The following PIGS variants were observed in gnomAD, a reference collection of about 807,000 sequenced individuals.
The protein encoded by PIGS is phosphatidylinositol glycan anchor biosynthesis class S, also known as GPI-anchor transamidase component PIGS.
PIGS carries 37 observed loss-of-function variants against 58.2 expected under a neutral mutation model. The ratio of observed to expected loss-of-function variants is 0.64; its 90% CI spans 0.49 to 0.84. The LOEUF (loss-of-function observed/expected upper bound fraction) is 0.84, where lower values mean the gene tolerates loss of function less well. PIGS is among the 40% of genes least tolerant of loss of function. PIGS has a pLI of 0.00. For synonymous variants in PIGS, 269 were observed against 289.2 expected (o/e 0.93, Z 0.71); for missense variants, 629 against 710.8 (o/e 0.88, Z 1.31).
At chr17:28,561,863 A>G in intron 5 of PIGS, 1 of 468,532 alleles carries the variant, frequency 2.1e-6, no homozygotes, top group Non-Finnish European at 3.8e-6. Context: ...GGCAGCATCT[A>G]ACTCTTCAGG....
rs368258975 is a variant in PIGS, at chr17:28,564,703, G to A, written c.287-796C>T. The stretch of plus-strand genomic sequence containing the variant: ...GCACTCCAGCCTGGGCAACAAGAGC[G>A]AAACTCCATCTCAAAAAAAAAAAAA... On this transcript the variant is annotated intron_variant, in intron 3 of 11. Transcript: ENST00000308360. Among the ~76,000 whole-genome samples the A allele has an allele frequency of 6.5e-4, 94 of 143,512 alleles. No homozygotes were observed. In the East Asian group the frequency reaches 0.015, roughly 24 times the overall value. 94.1% of individuals were successfully genotyped at this position (143,512 alleles called of 152,430 possible). A position where few individuals can be genotyped will look rare whatever the true frequency, so the allele number is the denominator to read the frequency against.
At chr17:28,559,920 A>G in intron 7 of PIGS, 129 bp downstream of exon 7, 1 of 1,211,752 alleles carries the variant, frequency 8.3e-7, no homozygotes, top group South Asian at 1.8e-5. Context: ...CACCCTTATG[A>G]CACTCACATA....
At chr17:28,561,252 G>A (rs961765689) in intron 6 of PIGS, among the ~76,000 whole-genome samples, 170 bp downstream of exon 6, 5 of 151,788 alleles carry the variant, frequency 3.3e-5, no homozygotes, top group South Asian at 2.1e-4. Flanking sequence ...GTGAGACTCC[G>A]TCTCAAAATA....
chr17:28,559,913 C>G lies in PIGS; in HGVS notation c.819+136G>C. On this transcript the variant is annotated intron_variant, in intron 7 of 11. Transcript: ENST00000308360. ...GCACACACGCACCCCCAGTACCCACCCTTATGACACTCACATACATATACA... is the reference window on the plus strand; with the variant it reads ...GCACACACGCACCCCCAGTACCCACGCTTATGACACTCACATACATATACA... 2 of 1,163,772 alleles carry G rather than the reference C, an allele frequency of 1.7e-6. 1 individual carries two copies. The highest frequency in any genetic ancestry group is 3.6e-5 in the South Asian group (2 of 55,622). The allele number at this position is 1,163,772 out of a possible 1,614,324, so 72.1% of individuals were successfully genotyped here. A position where few individuals can be genotyped will look rare whatever the true frequency, so the allele number is the denominator to read the frequency against.
chr17:28,557,085 A>G (rs1054871310), intron 8 of PIGS, 113 bp from the exon 9 acceptor site: 2 of 1,101,966 alleles, frequency 1.8e-6, no homozygotes, highest in South Asian at 1.4e-5. Context: ...CCAACTAACA[A>G]TCATTAGGAT....
intron 1 of PIGS, 83 bp from the exon 2 acceptor site, chr17:28,571,271 C>T (rs2070427353): frequency 6.4e-7 from 1 of 1,555,284 alleles, no homozygotes; most frequent in Non-Finnish European, 8.7e-7. Flanking sequence ...GCCCCAACCA[C>T]CGGCCTCCAG....
In PIGS at chr17:28,554,013, G is replaced by A. The variant is rs2070307915; in HGVS notation, c.*207C>T. 2 of 628,542 alleles carry A rather than the reference G, an allele frequency of 3.2e-6. No homozygotes were observed. Among genetic ancestry groups the A allele is most frequent in the Admixed American group, 3.0e-5 (1 of 32,908 alleles). 38.9% of individuals were successfully genotyped at this position (628,542 alleles called of 1,614,324 possible). A position where few individuals can be genotyped will look rare whatever the true frequency, so the allele number is the denominator to read the frequency against. ...TGATGTGCCTTTTGAGGCCCCTGGT[G>A]GTGGAGGAGGATTGAGCCAGGTGAA... is the stretch of plus-strand genomic sequence containing the variant. On this transcript the variant is annotated 3_prime_UTR_variant, in exon 12 of 12. Coordinates refer to ENST00000308360, the MANE Select transcript of PIGS (RefSeq NM_033198.4).
intron 4 of PIGS, 137 bp from the exon 5 acceptor site, chr17:28,563,659 T>A: frequency 8.4e-7 from 1 of 1,186,844 alleles, no homozygotes. Flanking sequence ...AATCAACCTC[T>A]CTGGCCCTCA....
chr17:28,556,798 C>A (rs1054841534), intron 9 of PIGS, 29 bp downstream of exon 9: 1 of 1,605,412 alleles, frequency 6.2e-7, no homozygotes, highest in African/African-American at 1.3e-5. Context: ...GAAGCATGGG[C>A]TCTGGGGTCT....
In PIGS at chr17:28,560,195, C is replaced by T. The variant is rs1172821002; in HGVS notation, c.677-4G>A. The T allele has an allele frequency of 2.5e-6, 4 of 1,610,002 alleles. No homozygotes were observed. The highest frequency in any genetic ancestry group is 2.5e-6 in the Non-Finnish European group (3 of 1,178,538). ...AAACTGAAGGTGATCTCATAGCCTA[C>T]AGAAACAGGAGTCAGGGAAGTCAGA... is the stretch of plus-strand genomic sequence containing the variant. On this transcript the variant is annotated splice_region_variant and splice_polypyrimidine_tract_variant and intron_variant, in intron 6 of 11. Coordinates refer to ENST00000308360, the MANE Select transcript of PIGS (RefSeq NM_033198.4).
chr17:28,570,751 A>G, intron 3 of PIGS, 101 bp downstream of exon 3: 3 of 1,129,474 alleles, frequency 2.7e-6, no homozygotes, highest in Non-Finnish European at 4.0e-6. Context: ...TTCAACAGTA[A>G]GTTTTTAACT....
At chr17:28,559,358 G>A (rs1300472155) in intron 7 of PIGS, among the ~76,000 whole-genome samples, 3 of 151,734 alleles carry the variant, frequency 2.0e-5, no homozygotes, top group African/African-American at 4.8e-5. Flanking sequence ...GGCTCTGCTG[G>A]GCTCCATCAC....
rs202057961 is a variant in PIGS at position 28,554,254 on chromosome 17, C to T, written c.1634G>A (p.Arg545His). 5.5e-4 allele frequency: 883 copies of T among 1,614,100 alleles called. 9 individuals are homozygous for T. In the South Asian group the frequency reaches 9.0e-3, roughly 17 times the overall value. The change falls in exon 12 of 12, where the codon CGC becomes CAC. Residue 545 changes from arginine (R) to histidine (H), a missense_variant. Transcript: ENST00000308360. ...LSLVKIFLET[R>H]KSWRKPEKTD ...CTTCTCAGGCTTTCTCCAGGACTTGCGGGTCTCCAGGAAGATCTTGACCAG... is the reference window on the plus strand; with the variant it reads ...CTTCTCAGGCTTTCTCCAGGACTTGTGGGTCTCCAGGAAGATCTTGACCAG...
At chr17:28,556,087 GTAA>G (rs2070325383) in intron 10 of PIGS, 76 bp downstream of exon 10, 2 of 1,351,308 alleles carry the variant, frequency 1.5e-6, no homozygotes, top group Admixed American at 3.4e-5. Flanking sequence ...TCCCTGCCAG[GTAA>G]GACTTGATTC....
intron 11 of PIGS, 121 bp from the exon 12 acceptor site, chr17:28,554,616 A>G (rs746531598): frequency 5.8e-5 from 77 of 1,332,074 alleles, no homozygotes; most frequent in Non-Finnish European, 7.8e-5. Flanking sequence ...TCCAGGATCT[A>G]TGGAAGTCTT....
intron 3 of PIGS, among the ~76,000 whole-genome samples, chr17:28,570,366 C>T (rs919027711): frequency 2.0e-5 from 3 of 152,206 alleles, no homozygotes. Flanking sequence ...CAAAAATTAG[C>T]TGGGCGTAGT....
At chr17:28,564,755 TG>T (rs1429270597) in intron 3 of PIGS, among the ~76,000 whole-genome samples, 1 of 149,822 alleles carries the variant, frequency 6.7e-6, no homozygotes. Flanking sequence ...GGTGCACACC[TG>T]TAGTCCCAAC....
chr17:28,555,979 AT>A (rs1013278191), intron 10 of PIGS, 186 bp downstream of exon 10: 4 of 583,474 alleles, frequency 6.9e-6, no homozygotes, highest in South Asian at 2.1e-5. Context: ...AAAAAAAAAA[AT>A]AAATGATTTT....
chr17:28,570,133 C>T (rs2070418253), intron 3 of PIGS, among the ~76,000 whole-genome samples: 1 of 152,182 alleles, frequency 6.6e-6, no homozygotes, highest in African/African-American at 2.4e-5. Context: ...TACCTATGAA[C>T]ATCTTGAAAC....
Sources: allele counts gnomAD v4.1 joint callset (sites outside exome capture counted in the v4.1 genomes callset), GRCh38; gene constraint gnomAD v4.1.1; transcripts MANE v1.5; gene names NCBI Gene and HGNC (gene_info 2026-07-23, HGNC 2026-07-21).